Variants in ITGA2 observed in about 807,000 individuals in gnomAD.
ITGA2 encodes the protein integrin alpha-2.
ITGA2 carries 101 observed loss-of-function variants against 146.3 expected under a neutral mutation model. The observed-to-expected ratio is 0.69, with a 90% CI of 0.59 to 0.81. ITGA2 has a LOEUF of 0.81. Among genes scored for constraint, ITGA2 ranks in the 40% least tolerant of loss-of-function variants. ITGA2 has a pLI of 0.00. For missense variants in ITGA2, 1,281 were observed against 1,402.7 expected (o/e 0.91, Z 1.39); for synonymous variants, 477 against 487.1 (o/e 0.98, Z 0.27).
At chr5:53,004,679 A>C (rs1474681475) in intron 1 of ITGA2, among the ~76,000 whole-genome samples, 2 of 152,166 alleles carry the variant, frequency 1.3e-5, no homozygotes, top group Non-Finnish European at 1.5e-5. Context: ...GGACTTTCTA[A>C]GAAAATTGCA....
intron 1 of ITGA2, among the ~76,000 whole-genome samples, chr5:53,024,721 A>C (rs1742858887): frequency 6.6e-6 from 1 of 152,226 alleles, no homozygotes. Flanking sequence ...TGCAAAGCGC[A>C]TAAGCAGAAT....
chr5:53,035,353 A>G (rs1743438534), intron 2 of ITGA2, among the ~76,000 whole-genome samples: 1 of 152,192 alleles, frequency 6.6e-6, no homozygotes, highest in African/African-American at 2.4e-5. Flanking sequence ...TATTTCTTCT[A>G]GTGCCAAAGC....
At chr5:53,016,749 C>T (rs961637804) in intron 1 of ITGA2, among the ~76,000 whole-genome samples, 1 of 152,172 alleles carries the variant, frequency 6.6e-6, no homozygotes, top group Non-Finnish European at 1.5e-5. Flanking sequence ...GGTCTCTTTA[C>T]ATAATCCCAT....
At chr5:53,018,354 C>G (rs1017009273) in intron 1 of ITGA2, among the ~76,000 whole-genome samples, 2 of 152,098 alleles carry the variant, frequency 1.3e-5, no homozygotes, top group African/African-American at 2.4e-5. Context: ...CCGTGGGGGT[C>G]GTGAGTTCCG....
intron 1 of ITGA2, among the ~76,000 whole-genome samples, chr5:53,021,623 C>G (rs953495532): frequency 1.3e-5 from 2 of 152,228 alleles, no homozygotes; most frequent in Non-Finnish European, 2.9e-5. Context: ...TCTTCCCTGT[C>G]AATCCTTCTG....
At position 53,075,116 on chromosome 5, in the gene ITGA2, C is replaced by G; in HGVS notation, c.2720C>G (p.Ser907Cys). The G allele has an allele frequency of 6.2e-7, 1 of 1,611,912 alleles. No homozygotes were observed. The highest frequency in any genetic ancestry group is 8.5e-7 in the Non-Finnish European group (1 of 1,178,670). The part of the protein sequence containing the change: ...FNLQNLQNQA[S>C]LSFQALSESQ... ...CTTCAAAACCTTCAGAATCAGGCGT[C>G]TCTCAGTTTCCAAGCCTTAAGGTAA... The change falls in exon 22 of 30, where the codon TCT becomes TGT. Residue 907 changes from serine (S) to cysteine (C), a missense_variant. Ser to Cys is a moderately radical substitution (Grantham distance 112). Transcript: ENST00000296585.
At chr5:53,086,853 A>G (rs1746178524) in intron 27 of ITGA2, 99 bp from the exon 28 acceptor site, 1 of 975,380 alleles carries the variant, frequency 1.0e-6, no homozygotes, top group African/African-American at 1.6e-5. Flanking sequence ...TGCTCTTGTC[A>G]CATTCCACCA....
At chr5:53,027,127 A>G (rs1001595423) in intron 2 of ITGA2, among the ~76,000 whole-genome samples, 27 of 150,234 alleles carry the variant, frequency 1.8e-4, no homozygotes, top group Middle Eastern at 3.4e-3. Flanking sequence ...ACCAGTTTTG[A>G]CCATTAATAC....
rs147417550 is a variant in ITGA2 at position 53,040,117 on chromosome 5, T to C, written c.186-1995T>C. On this transcript the variant is annotated intron_variant, in intron 2 of 29. Transcript: ENST00000296585. Reference sequence around the variant, plus strand: ...GGAGATCAAACTAATGAGTAGACATTGCCAGGCAAGAAACAGCATGTATGA... The same window carrying C: ...GGAGATCAAACTAATGAGTAGACATCGCCAGGCAAGAAACAGCATGTATGA... Among the ~76,000 whole-genome samples the C allele has an allele frequency of 1.2e-3, 185 of 152,152 alleles. 1 individual carries two copies. The South Asian group carries it at 0.027, about 22-fold the overall frequency.
chr5:52,996,669 T>A (rs1253590825), intron 1 of ITGA2, among the ~76,000 whole-genome samples: 1 of 152,244 alleles, frequency 6.6e-6, no homozygotes, highest in Non-Finnish European at 1.5e-5. Flanking sequence ...AATGCAGTTA[T>A]GATTAATAAG....
intron 1 of ITGA2, among the ~76,000 whole-genome samples, chr5:52,993,841 A>C (rs761026310): frequency 6.6e-6 from 1 of 152,032 alleles, no homozygotes; most frequent in African/African-American, 2.4e-5. Flanking sequence ...AACACTGCTC[A>C]GCTTGGGATA....
At chr5:52,999,213 C>T (rs1356952031) in intron 1 of ITGA2, among the ~76,000 whole-genome samples, 1 of 151,990 alleles carries the variant, frequency 6.6e-6, no homozygotes, top group Non-Finnish European at 1.5e-5. Flanking sequence ...TTAAGATTAC[C>T]TTCTGTCCTA....
rs899214122 is a variant in ITGA2, at chr5:53,074,429, G to A, written c.2616G>A (p.Lys872=). The change falls in exon 21 of 30, where the codon AAG becomes AAA. Residue 872 remains lysine, a synonymous_variant. Transcript: ENST00000296585. ...EVTCQVAASQ[K]SVACDVGYPA... is the part of the protein sequence containing the mutation. ...CATGCCAGGTGGCTGCATCTCAGAA[G>A]TCTGTTGCCTGCGATGTAGGCTACC... 1 of 1,612,408 alleles carries A rather than the reference G, an allele frequency of 6.2e-7. No individual in the cohort carries two copies. Among genetic ancestry groups the A allele is most frequent in the Admixed American group, 1.7e-5 (1 of 59,844 alleles).
At position 53,090,771 on chromosome 5, in the gene ITGA2, G is replaced by C; in HGVS notation, c.*172G>C. 1.8e-6 allele frequency: 1 copy of C among 551,362 alleles called. No individual in the cohort carries two copies. 34.2% of individuals were successfully genotyped at this position (551,362 alleles called of 1,614,324 possible). On this transcript the variant is annotated 3_prime_UTR_variant, in exon 30 of 30. Transcript: ENST00000296585. ...GTTTGGAATGAAGAAATTGTGGGGG[G>C]TGGGGGAGGTGCGGGGGGCAGGTAG...
intron 1 of ITGA2, among the ~76,000 whole-genome samples, chr5:53,003,407 A>G (rs1309978855): frequency 6.6e-6 from 1 of 152,044 alleles, no homozygotes. Context: ...ATTATCTCTC[A>G]TGGTGTCTTG....
intron 8 of ITGA2, 135 bp from the exon 9 acceptor site, chr5:53,055,847 TAC>T: frequency 8.1e-7 from 1 of 1,239,082 alleles, no homozygotes; most frequent in Admixed American, 1.8e-5. Flanking sequence ...CAATCCTGTC[TAC>T]TAAATAAAGG....
Position 53,067,318 on chromosome 5 carries a change from A to G in ITGA2, c.2083+61A>G. On this transcript the variant is annotated intron_variant, in intron 16 of 29. Coordinates refer to ENST00000296585, the MANE Select transcript of ITGA2 (RefSeq NM_002203.4). Reference sequence around the variant, plus strand: ...TTGGCTTACAGAGTTTTAGTCCTGAATATAACATATTTTGGTTTGTAGGCC... The same window carrying G: ...TTGGCTTACAGAGTTTTAGTCCTGAGTATAACATATTTTGGTTTGTAGGCC... 1.9e-6 allele frequency: 3 copies of G among 1,589,940 alleles called. No homozygotes were observed. In the South Asian group the frequency reaches 3.3e-5, roughly 18 times the overall value.
At chr5:53,024,309 G>A (rs1236677211) in intron 1 of ITGA2, among the ~76,000 whole-genome samples, 2 of 151,910 alleles carry the variant, frequency 1.3e-5, no homozygotes, top group Admixed American at 6.6e-5. Context: ...TTTAAATAGA[G>A]GAAAAATACT....
chr5:53,065,962 A>AC lies in ITGA2; in HGVS notation c.1928_1929insC (p.Gln643HisfsTer12). On this transcript the variant is annotated frameshift_variant, in exon 15 of 30. Coordinates refer to ENST00000296585, the MANE Select transcript of ITGA2 (RefSeq NM_002203.4). LOFTEE classifies it high-confidence loss of function. ...GATGTGTCTATTGGTGCCTTTGGAC[A>AC]AGTGGTTCAACTCTGGTGAGTCAGG... The AC allele has an allele frequency of 6.2e-7, 1 of 1,611,974 alleles. No individual in the cohort carries two copies. The highest frequency in any genetic ancestry group is 1.7e-5 in the Admixed American group (1 of 59,830).
Sources: gnomAD v4.1 joint callset for allele counts (sites outside exome capture counted in the v4.1 genomes callset) on GRCh38, gnomAD v4.1.1 for gene constraint, MANE v1.5 for transcripts, NCBI Gene and HGNC (gene_info 2026-07-23, HGNC 2026-07-21) for gene names.